Variants in NEBL observed in about 807,000 individuals in gnomAD.
NEBL encodes LIM and SH3 protein 2.
A neutral mutation model predicts 140.2 loss-of-function variants in NEBL; 122 were observed. The observed-to-expected ratio is 0.87, with a 90% CI of 0.75 to 1.01. The LOEUF is 1.01. Among genes scored for constraint, NEBL ranks in the 50% least tolerant of loss-of-function variants. The pLI is 0.00. For synonymous variants in NEBL, 436 were observed against 398.9 expected (o/e 1.09, Z -1.11); for missense variants, 1,365 against 1,231.3 (o/e 1.11, Z -1.62).
At chr10:20,799,690 A>G (rs1003257909) in intron 26 of NEBL, among the ~76,000 whole-genome samples, 6 of 152,200 alleles carry the variant, frequency 3.9e-5, no homozygotes, top group Admixed American at 2.6e-4. Flanking sequence ...TGGATTGGGG[A>G]GTGATCTTGA....
At chr10:21,158,407 G>A (rs1461537437) in intron 2 of NEBL, among the ~76,000 whole-genome samples, 2 of 152,200 alleles carry the variant, frequency 1.3e-5, no homozygotes, top group Non-Finnish European at 2.9e-5. Flanking sequence ...TATCCTTGCA[G>A]TAACCAGAAG....
At chr10:21,026,763 G>A (rs553917452) in intron 2 of NEBL, among the ~76,000 whole-genome samples, 1 of 152,192 alleles carries the variant, frequency 6.6e-6, no homozygotes, top group Non-Finnish European at 1.5e-5. Flanking sequence ...CATTTGAAAG[G>A]CCTGCTTAGA....
chr10:21,268,856 GAAA>G (rs1167649977), intron 1 of NEBL, among the ~76,000 whole-genome samples: 1 of 152,084 alleles, frequency 6.6e-6, no homozygotes, highest in Non-Finnish European at 1.5e-5. Flanking sequence ...AGAGACTTTG[GAAA>G]CAAGAAGATA....
intron 4 of NEBL, among the ~76,000 whole-genome samples, chr10:20,942,327 A>C (rs558646748): frequency 6.6e-6 from 1 of 152,368 alleles, no homozygotes; most frequent in African/African-American, 2.4e-5. Flanking sequence ...TGACAAAAAC[A>C]AGAAATGGGG....
At chr10:21,191,907 G>A (rs1162383208) in intron 3 of NEBL, among the ~76,000 whole-genome samples, 1 of 152,166 alleles carries the variant, frequency 6.6e-6, no homozygotes, top group Admixed American at 6.5e-5. Context: ...ACAGTGGGAG[G>A]CATGAAAGAA....
At chr10:20,927,529 A>G (rs1184017997) in intron 4 of NEBL, among the ~76,000 whole-genome samples, 1 of 152,222 alleles carries the variant, frequency 6.6e-6, no homozygotes, top group African/African-American at 2.4e-5. Flanking sequence ...TGTATCCTCA[A>G]TTTGATCAAA....
intron 5 of NEBL, among the ~76,000 whole-genome samples, chr10:20,876,113 T>C (rs143712487): frequency 6.6e-6 from 1 of 152,364 alleles, no homozygotes; most frequent in African/African-American, 2.4e-5. Context: ...ATTATTTTTC[T>C]GTAAGAGAAT....
intron 14 of NEBL, among the ~76,000 whole-genome samples, chr10:20,834,034 T>TGA (rs1369162190): frequency 6.6e-6 from 1 of 152,128 alleles, no homozygotes; most frequent in African/African-American, 2.4e-5. Flanking sequence ...CCTGTAACGT[T>TGA]GAGATCCCAT....
chr10:21,184,260 T>C (rs1841430141), intron 3 of NEBL, among the ~76,000 whole-genome samples: 1 of 152,218 alleles, frequency 6.6e-6, no homozygotes, highest in Admixed American at 6.5e-5. Context: ...TTTTCTTGTC[T>C]CAGATAATGC....
intron 18 of NEBL, among the ~76,000 whole-genome samples, chr10:20,824,544 G>A (rs961772913): frequency 6.6e-6 from 1 of 152,184 alleles, no homozygotes; most frequent in Non-Finnish European, 1.5e-5. Flanking sequence ...AAAATGTCGA[G>A]ATCTTTAAAT....
intron 11 of NEBL, among the ~76,000 whole-genome samples, chr10:20,845,804 C>T (rs375685379): frequency 6.6e-6 from 1 of 152,272 alleles, no homozygotes; most frequent in East Asian, 1.9e-4. Flanking sequence ...CCCCATCATC[C>T]TTCTTCATCA....
intron 1 of NEBL, among the ~76,000 whole-genome samples, chr10:21,255,693 A>G (rs1166914834): frequency 2.0e-5 from 3 of 151,936 alleles, no homozygotes; most frequent in East Asian, 1.9e-4. Context: ...GAATAATCCA[A>G]CCTCTGAAAA....
At chr10:20,846,307 G>C (rs61142579) in intron 11 of NEBL, among the ~76,000 whole-genome samples, 1,905 of 152,220 alleles carry the variant, frequency 0.013, 33 homozygotes, top group African/African-American at 0.041. Context: ...AATAAATTCT[G>C]CATGAAATTG....
chr10:20,923,448 G>A (rs997267539), intron 4 of NEBL, among the ~76,000 whole-genome samples: 1 of 151,800 alleles, frequency 6.6e-6, no homozygotes, highest in African/African-American at 2.4e-5. Context: ...GGAGGCTGAG[G>A]TGGGTGGATC....
chr10:21,104,544 C>A (rs1837622111), intron 2 of NEBL, among the ~76,000 whole-genome samples: 1 of 151,872 alleles, frequency 6.6e-6, no homozygotes, highest in African/African-American at 2.4e-5. Flanking sequence ...ATTGCCAGTA[C>A]ATAGAAATGC....
chr10:21,119,224 C>CACTA (rs1360408309), intron 2 of NEBL, among the ~76,000 whole-genome samples: 1 of 152,074 alleles, frequency 6.6e-6, no homozygotes, highest in African/African-American at 2.4e-5. Flanking sequence ...CATTTTTCTC[C>CACTA]ACTACCTCAT....
At chr10:21,176,838 T>A (rs1206023514), upstream of NEBL, among the ~76,000 whole-genome samples, 1 of 152,246 alleles carries the variant, frequency 6.6e-6, no homozygotes, top group Non-Finnish European at 1.5e-5. Context: ...GTTGAATTTT[T>A]TTTAGCTAAA....
intron 2 of NEBL, 97 bp from the exon 3 acceptor site, chr10:20,890,046 A>C: frequency 3.8e-6 from 3 of 779,658 alleles, no homozygotes; most frequent in Non-Finnish European, 6.4e-6. Flanking sequence ...CCATTTACTG[A>C]AGTAAATACT....
intron 3 of NEBL, among the ~76,000 whole-genome samples, chr10:20,969,362 A>G (rs149214045): frequency 8.6e-5 from 13 of 152,002 alleles, no homozygotes; most frequent in African/African-American, 2.6e-4. Context: ...TAAGCTTTCA[A>G]TTAAACTTCC....
Sources: gnomAD v4.1 joint callset for allele counts (sites outside exome capture counted in the v4.1 genomes callset) on GRCh38, gnomAD v4.1.1 for gene constraint, MANE v1.5 for transcripts, NCBI Gene and HGNC (gene_info 2026-07-23, HGNC 2026-07-21) for gene names.